Variants in ADAM9 observed in about 807,000 individuals in gnomAD.
ADAM9 encodes the protein ADAM metallopeptidase domain 9.
A neutral mutation model predicts 108.1 loss-of-function variants in ADAM9; 54 were observed. That is an observed-to-expected ratio of 0.50 (90% confidence interval 0.40 to 0.63). ADAM9 has a LOEUF of 0.63. Ranked by LOEUF, ADAM9 falls within the 20% of genes least tolerant of loss-of-function variation. The pLI is 0.00. For synonymous variants in ADAM9, 316 were observed against 336.0 expected (o/e 0.94, Z 0.65); for missense variants, 830 against 997.7 (o/e 0.83, Z 2.26).
At chr8:39,056,100 A>G (rs1418583959) in intron 14 of ADAM9, among the ~76,000 whole-genome samples, 1 of 152,178 alleles carries the variant, frequency 6.6e-6, no homozygotes, top group Non-Finnish European at 1.5e-5. Flanking sequence ...CTTGAAATTC[A>G]TCTATATTGA....
At chr8:39,100,890 ATTACTT>A (rs1288942904) in intron 20 of ADAM9, among the ~76,000 whole-genome samples, 2 of 152,216 alleles carry the variant, frequency 1.3e-5, no homozygotes, top group Non-Finnish European at 2.9e-5. Context: ...TGTGAAAAAT[ATTACTT>A]TTACTTTCTT....
At chr8:39,094,667 T>C (rs762163867) in intron 20 of ADAM9, among the ~76,000 whole-genome samples, 4 of 152,154 alleles carry the variant, frequency 2.6e-5, no homozygotes, top group Non-Finnish European at 5.9e-5. Flanking sequence ...TGTATGTTTC[T>C]AGGAATTTAT....
At chr8:39,085,772 T>C (rs10958533) in intron 18 of ADAM9, among the ~76,000 whole-genome samples, 98,347 of 151,956 alleles carry the variant, frequency 0.65, 33,371 homozygotes, top group East Asian at 0.92. Context: ...TCTTTATCTC[T>C]GGTTTTTATA....
intron 11 of ADAM9, among the ~76,000 whole-genome samples, chr8:39,035,676 G>A (rs1399488495): frequency 6.6e-6 from 1 of 152,112 alleles, no homozygotes; most frequent in Admixed American, 6.5e-5. Flanking sequence ...CATTAGCCGG[G>A]CATGGTGGCG....
chr8:39,007,916 A>C lies in ADAM9; in HGVS notation c.128A>C (p.Tyr43Ser). The change falls in exon 2 of 22, where the codon TAT becomes TCT. Residue 43 changes from tyrosine to serine, a missense_variant. Tyr to Ser is a moderately radical substitution (Grantham distance 144, BLOSUM62 -2). Coordinates refer to ENST00000487273, the MANE Select transcript of ADAM9 (RefSeq NM_003816.3). ...GFQQTSHLSSYEIITPWRLTR... is the reference protein window; with the variant it reads ...GFQQTSHLSSSEIITPWRLTR... ...CAACAGACCTCACATCTTTCTTCTT[A>C]TGAAATTATAACTCCTTGGAGATTA... is the stretch of plus-strand genomic sequence containing the variant. 1 of 1,612,452 alleles carries C rather than the reference A, an allele frequency of 6.2e-7. No individual in the cohort carries two copies. The highest frequency in any genetic ancestry group is 8.5e-7 in the Non-Finnish European group (1 of 1,179,270).
chr8:39,069,192 T>G (rs1415275549), intron 14 of ADAM9, among the ~76,000 whole-genome samples: 1 of 152,200 alleles, frequency 6.6e-6, no homozygotes, highest in Non-Finnish European at 1.5e-5. Context: ...TCTTTTCGGC[T>G]TCTAAGTTTT....
Position 38,997,273 on chromosome 8 carries a change from G to A in ADAM9, c.97+113G>A. 4 of 1,270,806 alleles carry A rather than the reference G, an allele frequency of 3.1e-6. No homozygotes were observed. In the South Asian group the frequency reaches 5.2e-5, roughly 16 times the overall value. The allele number at this position is 1,270,806 out of a possible 1,614,324, so 78.7% of individuals were successfully genotyped here. A position where few individuals can be genotyped will look rare whatever the true frequency, so the allele number is the denominator to read the frequency against. ...GGGCCCGGCCTGGGGATCGGACCCG[G>A]GGTCGGGGGGCGCGGCCGCTCCAGG... On this transcript the variant is annotated intron_variant, in intron 1 of 21. Coordinates refer to ENST00000487273, the MANE Select transcript of ADAM9 (RefSeq NM_003816.3).
intron 18 of ADAM9, among the ~76,000 whole-genome samples, chr8:39,088,166 C>G (rs1185431907): frequency 6.6e-6 from 1 of 152,050 alleles, no homozygotes; most frequent in Non-Finnish European, 1.5e-5. Flanking sequence ...ACAAGATAGC[C>G]TGCATATAAG....
At chr8:39,023,062 TTTTAA>T (rs1337956415) in intron 8 of ADAM9, 89 bp from the exon 9 acceptor site, 9 of 1,167,034 alleles carry the variant, frequency 7.7e-6, no homozygotes, top group Non-Finnish European at 1.1e-5. Context: ...GGCAGGGGAG[TTTTAA>T]TTTAAGTAGC....
intron 15 of ADAM9, among the ~76,000 whole-genome samples, chr8:39,073,825 G>A (rs1475833862): frequency 2.6e-5 from 4 of 152,042 alleles, no homozygotes; most frequent in African/African-American, 9.7e-5. Context: ...GAGTCATTTA[G>A]GAAGCATTTT....
chr8:39,014,652 A>T lies in ADAM9; in HGVS notation c.333+609A>T, dbSNP rs1485089770. 5.8e-6 allele frequency: 4 copies of T among 693,530 alleles called. No individual in the cohort carries two copies. In the East Asian group the frequency reaches 1.1e-4, roughly 19 times the overall value. 43.0% of individuals were successfully genotyped at this position (693,530 alleles called of 1,614,324 possible). A position where few individuals can be genotyped will look rare whatever the true frequency, so the allele number is the denominator to read the frequency against. ...TGAGTGTTTTACAGTCCTTTTTGGCAGTTAGGTATTATACCTTTTTTTCTT... is the reference window on the plus strand; with the variant it reads ...TGAGTGTTTTACAGTCCTTTTTGGCTGTTAGGTATTATACCTTTTTTTCTT... On this transcript the variant is annotated intron_variant, in intron 4 of 21. Transcript: ENST00000487273.
rs142635529 is a variant in ADAM9, at chr8:39,053,327, A to C, written c.1303-1154A>C. Among the ~76,000 whole-genome samples the C allele has an allele frequency of 2.0e-5, 3 of 152,282 alleles. No individual in the cohort carries two copies. The East Asian group carries it at 5.8e-4, about 29-fold the overall frequency. ...GAGCAGAACTTTTTCATGTTGATGA[A>C]GTTTATTTTATAAACTTGTAATTTT... On this transcript the variant is annotated intron_variant, in intron 12 of 21. Coordinates refer to ENST00000487273, the MANE Select transcript of ADAM9 (RefSeq NM_003816.3).
intron 11 of ADAM9, among the ~76,000 whole-genome samples, chr8:39,037,125 C>T (rs1271005726): frequency 7.8e-6 from 1 of 128,264 alleles, no homozygotes; most frequent in Non-Finnish European, 1.6e-5. Context: ...GGCGCAGTCT[C>T]GGCTCACTGC....
rs1395502035 is a variant in ADAM9 at position 39,056,825 on chromosome 8, G to T, written c.1591+1053G>T. On this transcript the variant is annotated intron_variant, in intron 14 of 21. Transcript: ENST00000487273. ...TTGTTCAAATAAGTCTGAACAGAAG[G>T]CCTCTGTTCCTCTTCAGTCTTGACT... Among the ~76,000 whole-genome samples the T allele has an allele frequency of 5.9e-5, 9 of 152,186 alleles. No individual in the cohort carries two copies. The East Asian group carries it at 1.7e-3, about 29-fold the overall frequency.
At chr8:39,054,384 A>T in intron 12 of ADAM9, 97 bp from the exon 13 acceptor site, 1 of 1,069,332 alleles carries the variant, frequency 9.4e-7, no homozygotes, top group Non-Finnish European at 1.4e-6. Flanking sequence ...CAATCATGTT[A>T]GAATGAAGTA....
At position 39,104,519 on chromosome 8, in the gene ADAM9, TC is replaced by T. The variant is rs1839804546; in HGVS notation, c.*820del. On this transcript the variant is annotated 3_prime_UTR_variant, in exon 22 of 22. Transcript: ENST00000487273. ...AATAGATCTAATCAAATATGTTGAT[TC>T]ATGGCTATAATAAAGCAGGAGCAAT... The T allele has an allele frequency of 2.6e-6, 1 of 383,498 alleles. No individual in the cohort carries two copies. The highest frequency in any genetic ancestry group is 2.0e-5 in the South Asian group (1 of 49,662). 23.8% of individuals were successfully genotyped at this position (383,498 alleles called of 1,614,324 possible). A position where few individuals can be genotyped will look rare whatever the true frequency, so the allele number is the denominator to read the frequency against.
At chr8:39,021,434 C>T (rs936177173) in intron 7 of ADAM9, among the ~76,000 whole-genome samples, 2 of 152,090 alleles carry the variant, frequency 1.3e-5, no homozygotes, top group Admixed American at 1.3e-4. Flanking sequence ...TAGGCACCTG[C>T]CACCACGCCT....
At chr8:39,071,834 A>C (rs1325332692) in intron 15 of ADAM9, among the ~76,000 whole-genome samples, 2 of 152,154 alleles carry the variant, frequency 1.3e-5, no homozygotes, top group African/African-American at 2.4e-5. Context: ...CTAACTTTTC[A>C]AACATTTTAC....
intron 12 of ADAM9, among the ~76,000 whole-genome samples, chr8:39,044,918 G>GTA (rs771541652): frequency 4.8e-4 from 72 of 149,764 alleles, no homozygotes; most frequent in African/African-American, 1.6e-3. Flanking sequence ...ACATATGTAT[G>GTA]TATATATGTG....
Sources: allele counts gnomAD v4.1 joint callset (sites outside exome capture counted in the v4.1 genomes callset), GRCh38; gene constraint gnomAD v4.1.1; transcripts MANE v1.5; gene names NCBI Gene and HGNC (gene_info 2026-07-23, HGNC 2026-07-21).